The following SPAG16 variants were observed in gnomAD, a reference collection of about 807,000 sequenced individuals.
SPAG16 encodes the protein sperm associated antigen 16, also known as sperm-associated antigen 16 protein.
In SPAG16, 86 loss-of-function variants were observed where a neutral mutation model predicts 80.4. The observed-to-expected ratio is 1.07, with a 90% CI of 0.90 to 1.28. The LOEUF (loss-of-function observed/expected upper bound fraction) is 1.28. Ranked by LOEUF, SPAG16 falls within the 50% of genes most tolerant of loss-of-function variation. The pLI is 0.00. For missense variants in SPAG16, 870 were observed against 765.3 expected (o/e 1.14, Z -1.61); for synonymous variants, 294 against 265.9 (o/e 1.11, Z -1.03).
chr2:213,389,598 T>C (rs1388664783), intron 9 of SPAG16, among the ~76,000 whole-genome samples: 2 of 152,058 alleles, frequency 1.3e-5, no homozygotes, highest in East Asian at 1.9e-4. Context: ...ATAACACATT[T>C]CTAGATTGAA....
chr2:213,937,457 A>G (rs1206215366), intron 12 of SPAG16, among the ~76,000 whole-genome samples: 1 of 151,864 alleles, frequency 6.6e-6, no homozygotes, highest in Non-Finnish European at 1.5e-5. Flanking sequence ...ACTTAAATTG[A>G]CCTCTTGTGA....
intron 10 of SPAG16, among the ~76,000 whole-genome samples, chr2:213,495,850 T>G (rs2074456308): frequency 6.6e-6 from 1 of 151,988 alleles, no homozygotes; most frequent in Non-Finnish European, 1.5e-5. Context: ...ATATCCAAAA[T>G]ATTGTGGGAA....
intron 10 of SPAG16, among the ~76,000 whole-genome samples, chr2:213,835,248 C>G (rs1396286035): frequency 6.6e-6 from 1 of 152,194 alleles, no homozygotes; most frequent in Non-Finnish European, 1.5e-5. Context: ...GCTGTCTCCT[C>G]TCTTGTATCC....
At chr2:213,675,192 A>T (rs2063999188) in intron 10 of SPAG16, among the ~76,000 whole-genome samples, 1 of 152,172 alleles carries the variant, frequency 6.6e-6, no homozygotes, top group South Asian at 2.1e-4. Flanking sequence ...TCTTTTGAGA[A>T]GTGTCTGTTC....
chr2:213,530,102 G>A (rs535720843), intron 10 of SPAG16, among the ~76,000 whole-genome samples: 2 of 152,136 alleles, frequency 1.3e-5, no homozygotes, highest in Non-Finnish European at 2.9e-5. Context: ...ACCTCCTGAA[G>A]GACCTGCCTT....
At chr2:214,257,572 A>G (rs980503108) in intron 15 of SPAG16, among the ~76,000 whole-genome samples, 4 of 152,092 alleles carry the variant, frequency 2.6e-5, no homozygotes, top group African/African-American at 9.7e-5. Flanking sequence ...AATGCTTTTC[A>G]ACATTCATTG....
chr2:214,287,694 A>G (rs1214897738), intron 15 of SPAG16, among the ~76,000 whole-genome samples: 1 of 152,234 alleles, frequency 6.6e-6, no homozygotes, highest in Non-Finnish European at 1.5e-5. Context: ...ATATCAATAG[A>G]AAATTACATC....
At chr2:213,600,119 C>T (rs2061013179) in intron 10 of SPAG16, among the ~76,000 whole-genome samples, 1 of 139,038 alleles carries the variant, frequency 7.2e-6, no homozygotes, top group Non-Finnish European at 1.6e-5. Context: ...ATTTTTTTCT[C>T]TTTATATTTT....
intron 14 of SPAG16, among the ~76,000 whole-genome samples, chr2:214,128,548 C>T (rs1425231107): frequency 6.6e-6 from 1 of 151,726 alleles, no homozygotes; most frequent in Non-Finnish European, 1.5e-5. Context: ...TAATATGCAT[C>T]CAAATTGAAT....
intron 6 of SPAG16, among the ~76,000 whole-genome samples, chr2:213,348,165 G>A (rs1399088848): frequency 6.6e-6 from 1 of 152,044 alleles, no homozygotes; most frequent in Admixed American, 6.6e-5. Flanking sequence ...TCTGATCTTT[G>A]TTGGTTTAAA....
At chr2:214,322,332 T>G (rs1696154016) in intron 15 of SPAG16, among the ~76,000 whole-genome samples, 1 of 152,230 alleles carries the variant, frequency 6.6e-6, no homozygotes, top group African/African-American at 2.4e-5. Flanking sequence ...TTCTTGCTAC[T>G]TGGTTTATCT....
chr2:213,778,649 G>A (rs945125218), intron 10 of SPAG16, among the ~76,000 whole-genome samples: 1 of 151,900 alleles, frequency 6.6e-6, no homozygotes, highest in African/African-American at 2.4e-5. Flanking sequence ...TCTTTTCCAT[G>A]GTATATTATC....
At chr2:214,236,724 A>G (rs1689107953) in intron 15 of SPAG16, among the ~76,000 whole-genome samples, 1 of 152,114 alleles carries the variant, frequency 6.6e-6, no homozygotes, top group Non-Finnish European at 1.5e-5. Context: ...CGATTCACCA[A>G]ATAAGGTAGC....
chr2:213,698,939 C>G (rs79671142), intron 10 of SPAG16, among the ~76,000 whole-genome samples: 5,599 of 152,236 alleles, frequency 0.037, 345 homozygotes, highest in African/African-American at 0.13. Context: ...TCAAGTACAA[C>G]GCATAGTACC....
intron 15 of SPAG16, among the ~76,000 whole-genome samples, chr2:214,194,986 T>C (rs1472836870): frequency 2.0e-5 from 3 of 152,098 alleles, no homozygotes; most frequent in Admixed American, 6.6e-5. Flanking sequence ...ATAAAACTTA[T>C]AGTGTAATGC....
intron 4 of SPAG16, among the ~76,000 whole-genome samples, chr2:213,311,992 A>G (rs2063206462): frequency 1.3e-5 from 2 of 151,502 alleles, no homozygotes; most frequent in South Asian, 4.1e-4. Context: ...GATCCTTTAA[A>G]TCGAGGGTTA....
intron 9 of SPAG16, among the ~76,000 whole-genome samples, chr2:213,444,730 GA>G (rs1022205871): frequency 1.7e-4 from 26 of 151,450 alleles, no homozygotes; most frequent in Non-Finnish European, 2.8e-4. Flanking sequence ...CATAGGAAAA[GA>G]AAAAAAATTC....
intron 10 of SPAG16, among the ~76,000 whole-genome samples, chr2:213,552,370 T>G (rs542719784): frequency 1.1e-4 from 17 of 152,342 alleles, no homozygotes; most frequent in Admixed American, 1.0e-3. Context: ...TTCTTCATGC[T>G]ATGGACATTT....
chr2:213,593,161 A>G (rs1037369441), intron 10 of SPAG16, among the ~76,000 whole-genome samples: 3 of 152,156 alleles, frequency 2.0e-5, no homozygotes, highest in African/African-American at 7.2e-5. Context: ...GCTGCCTGAG[A>G]AGTAAGAAAA....
Sources: gnomAD v4.1 joint callset for allele counts (sites outside exome capture counted in the v4.1 genomes callset) on GRCh38, gnomAD v4.1.1 for gene constraint, MANE v1.5 for transcripts, NCBI Gene and HGNC (gene_info 2026-07-23, HGNC 2026-07-21) for gene names.